Variants in CAMK1D observed in about 807,000 individuals in gnomAD.
CAMK1D encodes calcium/calmodulin dependent protein kinase ID.
A neutral mutation model predicts 47.7 loss-of-function variants in CAMK1D; 9 were observed. The ratio of observed to expected loss-of-function variants is 0.19; its 90% CI spans 0.11 to 0.33. CAMK1D has a LOEUF of 0.33. Ranked by LOEUF, CAMK1D falls within the 10% of genes least tolerant of loss-of-function variation. The pLI is 1.00. For missense variants in CAMK1D, 291 were observed against 488.7 expected (o/e 0.60, Z 3.81); for synonymous variants, 184 against 184.9 (o/e 0.99, Z 0.04).
Position 12,387,172 on chromosome 10 carries a change from C to G in CAMK1D, c.92+37262C>G, listed in dbSNP as rs1318986723. ...TGAGCTGAGATTGCACCACTGCCCT[C>G]CAGCCTGGGCGTCCAAGAGAGACTC... On this transcript the variant is annotated intron_variant, in intron 1 of 10. Transcript: ENST00000619168. 2.0e-5 allele frequency among the ~76,000 whole-genome samples: 3 copies of G among 149,470 alleles called. No individual in the cohort carries two copies. The Admixed American group carries it at 2.0e-4, about 10-fold the overall frequency.
Position 12,762,643 on chromosome 10 carries a change from G to A in CAMK1D, c.438+1557G>A, listed in dbSNP as rs554965096. Among the ~76,000 whole-genome samples, 160 of 152,272 alleles carry A rather than the reference G, an allele frequency of 1.1e-3. No individual in the cohort carries two copies. The Middle Eastern group carries it at 0.017, about 16-fold the overall frequency. Reference sequence around the variant, plus strand: ...CTGCCCGTGATGAGGATGCTGGTCTGGGAACTGCTCTTGGAAAACCACTGG... The same window carrying A: ...CTGCCCGTGATGAGGATGCTGGTCTAGGAACTGCTCTTGGAAAACCACTGG... On this transcript the variant is annotated intron_variant, in intron 4 of 10. Coordinates refer to ENST00000619168, the MANE Select transcript of CAMK1D (RefSeq NM_153498.4).
Position 12,494,019 on chromosome 10 carries a change from C to T in CAMK1D, c.93-59206C>T, listed in dbSNP as rs552182838. ...GATGGAAGAAGATCATAGGACATTT[C>T]TGCTGGGACTTGAGACCTGGGTTAA... On this transcript the variant is annotated intron_variant, in intron 1 of 10. Coordinates refer to ENST00000619168, the MANE Select transcript of CAMK1D (RefSeq NM_153498.4). 1.4e-4 allele frequency among the ~76,000 whole-genome samples: 21 copies of T among 152,284 alleles called. No homozygotes were observed. The South Asian group carries it at 2.9e-3, about 21-fold the overall frequency.
At chr10:12,642,458 T>C (rs1242353377) in intron 2 of CAMK1D, among the ~76,000 whole-genome samples, 2 of 152,170 alleles carry the variant, frequency 1.3e-5, no homozygotes, top group African/African-American at 4.8e-5. Context: ...GAGCAGTGGA[T>C]TGTGTCAGGG....
At chr10:12,374,499 A>G (rs2131862080) in intron 1 of CAMK1D, among the ~76,000 whole-genome samples, 1 of 152,138 alleles carries the variant, frequency 6.6e-6, no homozygotes, top group Non-Finnish European at 1.5e-5. Context: ...AGAGCCCACC[A>G]CTGATTCTTC....
rs1175477054 is a variant in CAMK1D, at chr10:12,814,438, C to T, written c.754+131C>T. 1.6e-5 allele frequency: 9 copies of T among 554,104 alleles called. No homozygotes were observed. In the East Asian group the frequency reaches 2.6e-4, roughly 16 times the overall value. 34.3% of individuals were successfully genotyped at this position (554,104 alleles called of 1,614,324 possible). On this transcript the variant is annotated intron_variant, in intron 7 of 10. Transcript: ENST00000619168. Reference sequence around the variant, plus strand: ...CTGAGGGTCCTGTCTTGGTTGGCTGCTGTAACAAGATACCATAGACTGGGT... The same window carrying T: ...CTGAGGGTCCTGTCTTGGTTGGCTGTTGTAACAAGATACCATAGACTGGGT...
chr10:12,828,636 A>G (rs1833343666), intron 10 of CAMK1D, 133 bp from the exon 11 acceptor site: 2 of 640,950 alleles, frequency 3.1e-6, no homozygotes, highest in Admixed American at 3.1e-5. Context: ...GTGAAACTCC[A>G]TCTCAAGAAA....
intron 3 of CAMK1D, among the ~76,000 whole-genome samples, chr10:12,677,763 C>T (rs541513371): frequency 6.6e-6 from 1 of 152,118 alleles, no homozygotes; most frequent in South Asian, 2.1e-4. Context: ...AAGGAGAGCT[C>T]AGTCTGTGAG....
At chr10:12,801,232 TCCATCCATCC>T in intron 6 of CAMK1D, among the ~76,000 whole-genome samples, 1 of 116,338 alleles carries the variant, frequency 8.6e-6, no homozygotes, top group African/African-American at 8.1e-5. Context: ...TATCCATCCA[TCCATCCATCC>T]ATCCATCCAT....
intron 2 of CAMK1D, among the ~76,000 whole-genome samples, chr10:12,629,822 A>C (rs1457039886): frequency 2.0e-5 from 3 of 152,232 alleles, no homozygotes; most frequent in Non-Finnish European, 2.9e-5. Context: ...ACATCCATTG[A>C]GACCTTCGAG....
intron 2 of CAMK1D, among the ~76,000 whole-genome samples, chr10:12,579,296 CTTCCTTTCCT>C (rs1341987899): frequency 1.3e-5 from 2 of 151,980 alleles, no homozygotes; most frequent in East Asian, 1.9e-4. Flanking sequence ...ATATCTTTCC[CTTCCTTTCCT>C]TTCCTTCTTC....
chr10:12,552,943 A>T (rs1044806366), intron 1 of CAMK1D, among the ~76,000 whole-genome samples: 1 of 152,014 alleles, frequency 6.6e-6, no homozygotes, highest in Non-Finnish European at 1.5e-5. Flanking sequence ...GGGTTTCATC[A>T]TGTTGGCCAG....
chr10:12,530,210 G>A (rs1835760787), intron 1 of CAMK1D, among the ~76,000 whole-genome samples: 1 of 152,192 alleles, frequency 6.6e-6, no homozygotes, highest in Non-Finnish European at 1.5e-5. Flanking sequence ...GTTGAACCCG[G>A]AGGCTGTTGG....
chr10:12,794,470 C>T (rs923351246), intron 6 of CAMK1D, among the ~76,000 whole-genome samples: 13 of 152,098 alleles, frequency 8.5e-5, no homozygotes, highest in African/African-American at 2.4e-4. Context: ...GATCCTGGCA[C>T]GTACTTCTGA....
intron 6 of CAMK1D, among the ~76,000 whole-genome samples, chr10:12,799,081 C>T (rs1329470980): frequency 1.3e-5 from 2 of 152,120 alleles, no homozygotes; most frequent in Non-Finnish European, 2.9e-5. Context: ...GGGATTCCAT[C>T]GTACACCAGC....
chr10:12,827,393 T>G, intron 10 of CAMK1D, among the ~76,000 whole-genome samples: 1 of 146,564 alleles, frequency 6.8e-6, no homozygotes, highest in Non-Finnish European at 1.5e-5. Flanking sequence ...TTTCCCTTCC[T>G]TCCTTCCTTT....
intron 2 of CAMK1D, among the ~76,000 whole-genome samples, chr10:12,553,905 T>C (rs954566682): frequency 3.9e-5 from 6 of 152,208 alleles, no homozygotes; most frequent in Admixed American, 6.5e-5. Context: ...TTGCAGCTCC[T>C]ATGTGGCAGA....
chr10:12,665,800 G>A (rs1422798691), intron 2 of CAMK1D, among the ~76,000 whole-genome samples: 1 of 152,200 alleles, frequency 6.6e-6, no homozygotes, highest in East Asian at 1.9e-4. Flanking sequence ...TCTGCAGATC[G>A]GCAGTACCGA....
At chr10:12,778,762 A>C (rs899185874) in intron 5 of CAMK1D, among the ~76,000 whole-genome samples, 3 of 152,158 alleles carry the variant, frequency 2.0e-5, no homozygotes, top group East Asian at 1.9e-4. Context: ...AGTCCCAGCT[A>C]TTCAGGAGGC....
chr10:12,358,474 A>T (rs1321562219), intron 1 of CAMK1D, among the ~76,000 whole-genome samples: 3 of 152,164 alleles, frequency 2.0e-5, no homozygotes, highest in Non-Finnish European at 4.4e-5. Context: ...CGAAGGTTGC[A>T]GTGGGCCGAG....
Sources: gnomAD v4.1 joint callset for allele counts (sites outside exome capture counted in the v4.1 genomes callset) on GRCh38, gnomAD v4.1.1 for gene constraint, MANE v1.5 for transcripts, NCBI Gene and HGNC (gene_info 2026-07-23, HGNC 2026-07-21) for gene names.